ARHGAP26: variants seen among roughly 807,000 people sequenced by gnomAD.
ARHGAP26 encodes rho GTPase-activating protein 26.
In ARHGAP26, 38 loss-of-function variants were observed where a neutral mutation model predicts 104.8. That is an observed-to-expected ratio of 0.36 (90% CI 0.28 to 0.48). The LOEUF is 0.48. ARHGAP26 is among the 20% of genes least tolerant of loss of function. The probability of loss-of-function intolerance (pLI) is 0.99; values close to 1 mark genes in which losing one functional copy is unlikely to be tolerated. For synonymous variants in ARHGAP26, 341 were observed against 340.0 expected, an observed-to-expected ratio of 1.00 and a Z score of -0.03; for missense variants, 704 against 947.9, an observed-to-expected ratio of 0.74 and a Z score of 3.38.
chr5:142,907,032 C>T (rs1003883915), intron 8 of ARHGAP26, among the ~76,000 whole-genome samples: 3 of 152,132 alleles, frequency 2.0e-5, no homozygotes, highest in Non-Finnish European at 4.4e-5. Flanking sequence ...GAGACTTGGC[C>T]AGAATACGAC....
chr5:142,883,466 T>A (rs1307496858), intron 4 of ARHGAP26, among the ~76,000 whole-genome samples: 1 of 152,250 alleles, frequency 6.6e-6, no homozygotes, highest in East Asian at 1.9e-4. Context: ...ATTGTTCTTG[T>A]ATGTGAACAG....
chr5:142,944,798 C>A (rs1766863183), intron 11 of ARHGAP26, among the ~76,000 whole-genome samples: 1 of 152,012 alleles, frequency 6.6e-6, no homozygotes, highest in Non-Finnish European at 1.5e-5. Context: ...GGGATTATAC[C>A]CATTGTTTTA....
intron 17 of ARHGAP26, among the ~76,000 whole-genome samples, chr5:143,089,586 T>G (rs1281299712): frequency 6.6e-6 from 1 of 152,218 alleles, no homozygotes; most frequent in Non-Finnish European, 1.5e-5. Context: ...TGTCTAAGGC[T>G]ATCCTGTTTT....
intron 22 of ARHGAP26, chr5:143,216,592 C>T (rs1810386038): frequency 6.6e-6 from 2 of 302,994 alleles, no homozygotes; most frequent in Non-Finnish European, 1.3e-5. Flanking sequence ...TGGTCGTCAT[C>T]ATAAATCCTA....
At chr5:142,872,765 C>G (rs982291835) in intron 1 of ARHGAP26, among the ~76,000 whole-genome samples, 1 of 152,094 alleles carries the variant, frequency 6.6e-6, no homozygotes, top group Non-Finnish European at 1.5e-5. Flanking sequence ...TGGATGTGGC[C>G]AGCCAGGAAA....
chr5:143,184,838 T>C (rs1804906356), intron 20 of ARHGAP26, among the ~76,000 whole-genome samples: 1 of 152,172 alleles, frequency 6.6e-6, no homozygotes, highest in Non-Finnish European at 1.5e-5. Context: ...GGAACGTGTG[T>C]GAGGCCAAAT....
At chr5:142,991,709 G>A (rs1217952400) in intron 11 of ARHGAP26, among the ~76,000 whole-genome samples, 2 of 152,136 alleles carry the variant, frequency 1.3e-5, no homozygotes, top group Non-Finnish European at 2.9e-5. Context: ...ATGGTAACAT[G>A]CTGTATAGGT....
At chr5:142,841,645 G>A (rs1770829969) in intron 1 of ARHGAP26, among the ~76,000 whole-genome samples, 1 of 152,210 alleles carries the variant, frequency 6.6e-6, no homozygotes, top group Admixed American at 6.5e-5. Context: ...CTTGTCCCAT[G>A]AGTGCAAGGG....
chr5:142,974,071 A>T (rs937636252), intron 11 of ARHGAP26, among the ~76,000 whole-genome samples: 2 of 152,084 alleles, frequency 1.3e-5, no homozygotes, highest in Non-Finnish European at 2.9e-5. Context: ...CTATTTGATC[A>T]GTTCCTTTAA....
intron 19 of ARHGAP26, among the ~76,000 whole-genome samples, chr5:143,141,184 T>C (rs1431851139): frequency 6.6e-6 from 1 of 152,238 alleles, no homozygotes; most frequent in Non-Finnish European, 1.5e-5. Context: ...ACCACGTTGA[T>C]AATGTGGCTA....
At chr5:143,036,899 A>G (rs1167014289) in intron 12 of ARHGAP26, among the ~76,000 whole-genome samples, 1 of 152,200 alleles carries the variant, frequency 6.6e-6, no homozygotes, top group Non-Finnish European at 1.5e-5. Flanking sequence ...CTTATGCTGC[A>G]GTTTCTTCAC....
intron 18 of ARHGAP26, among the ~76,000 whole-genome samples, chr5:143,130,229 C>T (rs544337508): frequency 3.6e-4 from 55 of 152,280 alleles, no homozygotes; most frequent in African/African-American, 1.3e-3. Flanking sequence ...CTGCTAATTC[C>T]ACTTACAGGA....
At chr5:143,089,007 A>C (rs1791021917) in intron 17 of ARHGAP26, among the ~76,000 whole-genome samples, 1 of 152,184 alleles carries the variant, frequency 6.6e-6, no homozygotes, top group Admixed American at 6.5e-5. Flanking sequence ...AGGGTGGAGC[A>C]GGTAATTGAA....
At chr5:143,091,591 A>T (rs1483708604) in intron 17 of ARHGAP26, among the ~76,000 whole-genome samples, 2 of 152,174 alleles carry the variant, frequency 1.3e-5, no homozygotes, top group Admixed American at 6.5e-5. Context: ...TACCAGATAA[A>T]CTAAATTTCA....
chr5:142,876,472 A>G (rs1464757346), intron 3 of ARHGAP26, among the ~76,000 whole-genome samples: 2 of 152,006 alleles, frequency 1.3e-5, no homozygotes, highest in Admixed American at 6.6e-5. Context: ...GCATTATATT[A>G]AAAAATATTA....
intron 20 of ARHGAP26, among the ~76,000 whole-genome samples, chr5:143,154,444 G>A (rs1800233587): frequency 1.3e-5 from 2 of 152,164 alleles, no homozygotes; most frequent in Non-Finnish European, 2.9e-5. Context: ...TACTGTGTAT[G>A]GCAATTAATA....
intron 1 of ARHGAP26, among the ~76,000 whole-genome samples, chr5:142,808,856 A>G (rs1472846042): frequency 2.6e-5 from 4 of 152,202 alleles, no homozygotes; most frequent in African/African-American, 4.8e-5. Context: ...ACCAGAAGAG[A>G]GATGCAGAGC....
At chr5:142,976,650 A>T (rs564903944) in intron 11 of ARHGAP26, among the ~76,000 whole-genome samples, 3 of 152,208 alleles carry the variant, frequency 2.0e-5, no homozygotes. Context: ...TTGGGAAAAG[A>T]TATTTTTTTA....
At chr5:142,916,897 G>A (rs770279958) in intron 10 of ARHGAP26, among the ~76,000 whole-genome samples, 2 of 152,130 alleles carry the variant, frequency 1.3e-5, no homozygotes, top group African/African-American at 4.8e-5. Context: ...ACCCAGGGGG[G>A]TAGGTCCTCC....
Sources: allele counts gnomAD v4.1 joint callset (sites outside exome capture counted in the v4.1 genomes callset), GRCh38; gene constraint gnomAD v4.1.1; transcripts MANE v1.5; gene names NCBI Gene and HGNC (gene_info 2026-07-23, HGNC 2026-07-21).